DKK2: variants seen among roughly 807,000 people sequenced by gnomAD.
DKK2 encodes dickkopf-related protein 2.
A neutral mutation model predicts 28.1 loss-of-function variants in DKK2; 11 were observed. The ratio of observed to expected loss-of-function variants is 0.39; its 90% CI spans 0.25 to 0.65. The LOEUF (loss-of-function observed/expected upper bound fraction) is 0.65. Among genes scored for constraint, DKK2 ranks in the 30% least tolerant of loss-of-function variants. The probability of loss-of-function intolerance (pLI) is 0.47; values close to 1 mark genes in which losing one functional copy is unlikely to be tolerated. For synonymous variants in DKK2, 135 were observed against 126.5 expected (o/e 1.07, Z -0.45); for missense variants, 326 against 335.5 (o/e 0.97, Z 0.22).
chr4:106,975,963 G>T (rs1416716023), intron 1 of DKK2, among the ~76,000 whole-genome samples: 2 of 152,252 alleles, frequency 1.3e-5, no homozygotes, highest in Middle Eastern at 3.4e-3. Flanking sequence ...TGGTTTCAAA[G>T]AACTTATTTA....
chr4:106,993,541 C>A (rs905153795), intron 1 of DKK2, among the ~76,000 whole-genome samples: 3 of 151,994 alleles, frequency 2.0e-5, no homozygotes, highest in Non-Finnish European at 4.4e-5. Context: ...TTGCTGGATT[C>A]CTCCAAGCTA....
chr4:107,002,667 G>A (rs947246114), intron 1 of DKK2, among the ~76,000 whole-genome samples: 1 of 152,174 alleles, frequency 6.6e-6, no homozygotes, highest in Non-Finnish European at 1.5e-5. Flanking sequence ...GCCTAAGAAT[G>A]AGAAACTGAA....
chr4:106,999,228 T>C (rs1723321178), intron 1 of DKK2, among the ~76,000 whole-genome samples: 1 of 152,240 alleles, frequency 6.6e-6, no homozygotes, highest in Non-Finnish European at 1.5e-5. Context: ...GCAGACAGCC[T>C]GGGTAATAGT....
At chr4:106,988,304 A>G (rs1176189811) in intron 1 of DKK2, among the ~76,000 whole-genome samples, 1 of 152,206 alleles carries the variant, frequency 6.6e-6, no homozygotes, top group Non-Finnish European at 1.5e-5. Context: ...ACTCAAAGTA[A>G]CATTGACTCC....
At chr4:106,951,282 AAAC>A (rs948043407) in intron 1 of DKK2, among the ~76,000 whole-genome samples, 13 of 152,262 alleles carry the variant, frequency 8.5e-5, no homozygotes, top group African/African-American at 2.6e-4. Context: ...ATTTCTCAAA[AAAC>A]AACAACAACA....
At position 107,000,607 on chromosome 4, in the gene DKK2, T is replaced by C. The variant is rs1280488753; in HGVS notation, c.222+34763A>G. 2.6e-5 allele frequency among the ~76,000 whole-genome samples: 4 copies of C among 152,216 alleles called. 1 individual carries two copies. Among genetic ancestry groups the C allele is most frequent in the Admixed American group, 2.6e-4 (4 of 15,288 alleles). On this transcript the variant is annotated intron_variant, in intron 1 of 3. Transcript: ENST00000285311. ...CATTTTACTGTTTTCCTATTCTATA[T>C]GCTAATTGAAGGGACCCTGTTCCAG...
At chr4:106,945,142 G>A (rs1578352087) in intron 1 of DKK2, among the ~76,000 whole-genome samples, 1 of 152,054 alleles carries the variant, frequency 6.6e-6, no homozygotes, top group East Asian at 1.9e-4. Context: ...ATTTTAAGTA[G>A]GATGTTTTGA....
Position 106,923,660 on chromosome 4 carries a change from C to G in DKK2, c.*294G>C, listed in dbSNP as rs2110338454. 3.1e-6 allele frequency: 1 copy of G among 325,926 alleles called. No homozygotes were observed. Among genetic ancestry groups the G allele is most frequent in the South Asian group, 3.7e-5 (1 of 26,830 alleles). The allele number at this position is 325,926 out of a possible 1,614,324, so 20.2% of individuals were successfully genotyped here. ...TAAACTCTTGGAAAGTCACATGCTA[C>G]TCATCAGTAATTTCCACTGTGTGCT... On this transcript the variant is annotated 3_prime_UTR_variant, in exon 4 of 4. Coordinates refer to ENST00000285311, the MANE Select transcript of DKK2 (RefSeq NM_014421.3).
intron 1 of DKK2, among the ~76,000 whole-genome samples, chr4:107,025,710 A>AACAACAAT (rs1401674456): frequency 2.0e-5 from 3 of 152,226 alleles, no homozygotes. Context: ...AAAAGTGAGC[A>AACAACAAT]ACAACAATAC....
intron 1 of DKK2, among the ~76,000 whole-genome samples, chr4:106,956,268 A>G (rs1202289140): frequency 6.6e-6 from 1 of 152,220 alleles, no homozygotes; most frequent in African/African-American, 2.4e-5. Flanking sequence ...AAACAAATGG[A>G]AGAACATTCC....
intron 1 of DKK2, among the ~76,000 whole-genome samples, chr4:106,930,113 G>A (rs1261310379): frequency 6.6e-6 from 1 of 152,148 alleles, no homozygotes; most frequent in Non-Finnish European, 1.5e-5. Context: ...CACTGACAAA[G>A]CTGTGAACAG....
rs1450718134 is a variant in DKK2, at chr4:106,923,962, T to C, written c.772A>G (p.Lys258Glu). The part of the protein sequence containing the change: ...SSKARLHVCQ[K>E]I ...ATGTTCCTCAATGGTGATCAAATTTTCTGACACACATGGAGTCTGGCTTTG... is the reference window on the plus strand; with the variant it reads ...ATGTTCCTCAATGGTGATCAAATTTCCTGACACACATGGAGTCTGGCTTTG... Residue 258 changes from lysine (K) to glutamate (E), a missense_variant, in exon 4 of 4, where the codon AAA (lysine) becomes GAA (glutamate). Physicochemically the swap from Lys to Glu is moderately conservative, Grantham distance 56. Coordinates refer to ENST00000285311, the MANE Select transcript of DKK2 (RefSeq NM_014421.3). 1.9e-6 allele frequency: 3 copies of C among 1,613,360 alleles called. No homozygotes were observed. The highest frequency in any genetic ancestry group is 1.7e-4 in the Middle Eastern group (1 of 6,060).
intron 1 of DKK2, among the ~76,000 whole-genome samples, chr4:106,941,880 T>G (rs1290256135): frequency 6.6e-6 from 1 of 152,174 alleles, no homozygotes; most frequent in Admixed American, 6.6e-5. Flanking sequence ...TATGACCACA[T>G]GTTATTTATT....
rs1383862566 is a variant in DKK2, at chr4:106,987,867, T to C, written c.222+47503A>G. Among the ~76,000 whole-genome samples the C allele has an allele frequency of 6.4e-5, 6 of 94,036 alleles. No individual in the cohort carries two copies. In the Admixed American group the frequency reaches 8.1e-4, roughly 13 times the overall value. The allele number at this position is 94,036 out of a possible 152,430, so 61.7% of individuals were successfully genotyped here. On this transcript the variant is annotated intron_variant, in intron 1 of 3. Transcript: ENST00000285311. The stretch of plus-strand genomic sequence containing the variant: ...TAACTGACATGATGTTACTCTCTTC[T>C]TTTTTTTTTTTTTTTGAGATGGAGT...
chr4:106,928,903 A>T (rs904401424), intron 1 of DKK2, among the ~76,000 whole-genome samples: 2 of 152,144 alleles, frequency 1.3e-5, no homozygotes, highest in Non-Finnish European at 2.9e-5. Context: ...TCTGGAAATG[A>T]TATCATTGGT....
chr4:107,029,540 A>G (rs1723845278), intron 1 of DKK2, among the ~76,000 whole-genome samples: 2 of 152,182 alleles, frequency 1.3e-5, no homozygotes, highest in Admixed American at 6.5e-5. Context: ...ACCCTTTATT[A>G]TAAGTTATTG....
intron 1 of DKK2, among the ~76,000 whole-genome samples, chr4:107,019,889 G>C (rs1438979729): frequency 1.3e-5 from 2 of 151,888 alleles, no homozygotes; most frequent in Non-Finnish European, 1.5e-5. Flanking sequence ...TATGTGTTCA[G>C]TGCTTTGGCT....
At chr4:106,957,001 C>A (rs1043666805) in intron 1 of DKK2, among the ~76,000 whole-genome samples, 5 of 151,874 alleles carry the variant, frequency 3.3e-5, no homozygotes, top group African/African-American at 1.2e-4. Context: ...CCAACCTACT[C>A]ACCTGACAAA....
At chr4:106,995,608 GTATT>G (rs553180593) in intron 1 of DKK2, among the ~76,000 whole-genome samples, 2 of 152,066 alleles carry the variant, frequency 1.3e-5, no homozygotes, top group Admixed American at 6.6e-5. Flanking sequence ...GACCTTATGT[GTATT>G]TATTTATTTA....
Sources: allele counts gnomAD v4.1 joint callset (sites outside exome capture counted in the v4.1 genomes callset), GRCh38; gene constraint gnomAD v4.1.1; transcripts MANE v1.5; gene names NCBI Gene and HGNC (gene_info 2026-07-23, HGNC 2026-07-21).